Variants in HSD17B4 observed in about 807,000 individuals in gnomAD.
The protein encoded by HSD17B4 is peroxisomal multifunctional enzyme type 2.
Under a neutral mutation model 101.0 loss-of-function variants are expected in HSD17B4, and 70 were observed. The observed-to-expected ratio is 0.69, with a 90% CI of 0.57 to 0.85. The LOEUF (loss-of-function observed/expected upper bound fraction) is 0.85, where lower values mean the gene tolerates loss of function less well. Ranked by LOEUF, HSD17B4 falls within the 40% of genes least tolerant of loss-of-function variation. The pLI is 0.00. For synonymous variants in HSD17B4, 347 were observed against 297.1 expected (o/e 1.17, Z -1.73); for missense variants, 984 against 892.4 (o/e 1.10, Z -1.31).
chr5:119,511,233 C>G (rs1296294287), intron 16 of HSD17B4, among the ~76,000 whole-genome samples: 1 of 152,104 alleles, frequency 6.6e-6, no homozygotes, highest in African/African-American at 2.4e-5. Context: ...CTTTTTGTAA[C>G]TAAGTATTTG....
intron 4 of HSD17B4, 38 bp from the exon 5 acceptor site, chr5:119,475,668 T>G: frequency 5.2e-6 from 8 of 1,531,712 alleles, no homozygotes; most frequent in Non-Finnish European, 6.3e-6. Flanking sequence ...ACTAATATGC[T>G]TGCTTTTAGA....
intron 2 of HSD17B4, among the ~76,000 whole-genome samples, chr5:119,463,749 G>A (rs2126643124): frequency 7.6e-6 from 1 of 131,640 alleles, no homozygotes; most frequent in South Asian, 2.6e-4. Flanking sequence ...GCTCACTGCA[G>A]CCTCCACATC....
At chr5:119,455,542 T>TTCTCTC (rs200829499) in intron 1 of HSD17B4, among the ~76,000 whole-genome samples, 1,402 of 139,300 alleles carry the variant, frequency 0.01, 19 homozygotes, top group African/African-American at 0.029. Context: ...AAGCAAAACT[T>TTCTCTC]TCTCTCTCTC....
At chr5:119,523,902 G>A (rs531358126) in intron 17 of HSD17B4, among the ~76,000 whole-genome samples, 1 of 152,206 alleles carries the variant, frequency 6.6e-6, no homozygotes, top group East Asian at 1.9e-4. Flanking sequence ...TAATGGTAGA[G>A]CTGGCTTTGA....
Position 119,536,570 on chromosome 5 carries a change from A to G in HSD17B4, c.2121+20A>G, listed in dbSNP as rs776464660. 14 of 1,609,376 alleles carry G rather than the reference A, an allele frequency of 8.7e-6. No individual in the cohort carries two copies. In the South Asian group the frequency reaches 1.3e-4, roughly 15 times the overall value. ...CAGAAGGTAATGTTCTCAAATGTTC[A>G]TTTATTCATTGTTTTATTGTTTCCT... On this transcript the variant is annotated intron_variant, in intron 23 of 23. Transcript: ENST00000510025.
chr5:119,539,160 A>C (rs1307174014), intron 23 of HSD17B4, among the ~76,000 whole-genome samples: 1 of 152,176 alleles, frequency 6.6e-6, no homozygotes, highest in East Asian at 1.9e-4. Flanking sequence ...TCTGGAAAGC[A>C]CTACAACCTC....
At chr5:119,525,829 G>C (rs540029202) in intron 18 of HSD17B4, 88 bp from the exon 19 acceptor site, 1 of 791,374 alleles carries the variant, frequency 1.3e-6, no homozygotes, top group Non-Finnish European at 2.3e-6. Context: ...TGCAGTCTAA[G>C]GACATTTTTA....
chr5:119,483,366 A>G lies in HSD17B4; in HGVS notation c.622+4345A>G, dbSNP rs532158787. On this transcript the variant is annotated intron_variant, in intron 8 of 23. Transcript: ENST00000510025. ...CTGTGACCTGAATTCTCTGGTGCTG[A>G]TAAGCAGAGTTGTTGATTTTTAGCT... is the stretch of plus-strand genomic sequence containing the variant. Among the ~76,000 whole-genome samples the G allele has an allele frequency of 2.0e-5, 3 of 152,232 alleles. No homozygotes were observed. The South Asian group carries it at 6.2e-4, about 32-fold the overall frequency.
chr5:119,480,436 GC>G (rs1032267023), intron 8 of HSD17B4, among the ~76,000 whole-genome samples: 2 of 152,020 alleles, frequency 1.3e-5, no homozygotes, highest in Non-Finnish European at 2.9e-5. Flanking sequence ...GATCTGTGAT[GC>G]CCCACAAGCC....
chr5:119,457,710 T>C (rs1033398321), intron 2 of HSD17B4, among the ~76,000 whole-genome samples: 5 of 152,236 alleles, frequency 3.3e-5, no homozygotes, highest in African/African-American at 1.2e-4. Context: ...TTTTACCTTA[T>C]ATGTTTTTAT....
chr5:119,492,523 G>C (rs1750204167), intron 10 of HSD17B4: 1 of 180,124 alleles, frequency 5.6e-6, no homozygotes, highest in Non-Finnish European at 1.2e-5. Flanking sequence ...GCCTATTCTA[G>C]AGCAGCAGGC....
At chr5:119,457,268 C>G (rs78266836) in intron 2 of HSD17B4, among the ~76,000 whole-genome samples, 16,457 of 152,146 alleles carry the variant, frequency 0.11, 1,087 homozygotes, top group South Asian at 0.15. Flanking sequence ...AACTGTGGGC[C>G]CACAATGATC....
intron 17 of HSD17B4, among the ~76,000 whole-genome samples, chr5:119,519,568 C>G (rs1030814864): frequency 1.3e-5 from 2 of 152,174 alleles, no homozygotes. Context: ...ATGTAACTGC[C>G]AGAAAGTGCT....
intron 17 of HSD17B4, among the ~76,000 whole-genome samples, chr5:119,519,995 T>C (rs186876619): frequency 2.6e-4 from 40 of 152,312 alleles, no homozygotes; most frequent in African/African-American, 9.1e-4. Context: ...GAACTTTTTC[T>C]CTAGGCTACC....
At chr5:119,454,022 A>C (rs1342562964) in intron 1 of HSD17B4, among the ~76,000 whole-genome samples, 1 of 152,168 alleles carries the variant, frequency 6.6e-6, no homozygotes, top group African/African-American at 2.4e-5. Flanking sequence ...GCTTCTTTTG[A>C]CACCATTAGC....
At chr5:119,535,899 G>C (rs1236725613) in intron 22 of HSD17B4, 1 of 167,028 alleles carries the variant, frequency 6.0e-6, no homozygotes, top group Non-Finnish European at 1.3e-5. Context: ...ATCTTAATAA[G>C]ATCCTCAGGG....
At chr5:119,528,484 T>C (rs1015694599) in intron 20 of HSD17B4, among the ~76,000 whole-genome samples, 3 of 152,180 alleles carry the variant, frequency 2.0e-5, no homozygotes, top group Non-Finnish European at 4.4e-5. Flanking sequence ...AGTCTCTTAC[T>C]ATTCCCCACT....
intron 12 of HSD17B4, among the ~76,000 whole-genome samples, 182 bp downstream of exon 12, chr5:119,496,828 G>A (rs140581576): frequency 6.6e-6 from 1 of 152,144 alleles, no homozygotes. Context: ...GATTTATTCA[G>A]GAATCGTTTA....
chr5:119,515,090 G>A, intron 17 of HSD17B4, 44 bp downstream of exon 17: 1 of 1,067,544 alleles, frequency 9.4e-7, no homozygotes, highest in Admixed American at 1.7e-5. Context: ...CCTGGTTGAT[G>A]ACACTTTTTA....
Sources: gnomAD v4.1 joint callset for allele counts (sites outside exome capture counted in the v4.1 genomes callset) on GRCh38, gnomAD v4.1.1 for gene constraint, MANE v1.5 for transcripts, NCBI Gene and HGNC (gene_info 2026-07-23, HGNC 2026-07-21) for gene names.